ADGRV1: variants seen among roughly 807,000 people sequenced by gnomAD.
The protein encoded by ADGRV1 is adhesion G protein-coupled receptor V1.
A neutral mutation model predicts 596.2 loss-of-function variants in ADGRV1; 359 were observed. That is an observed-to-expected ratio of 0.60 (90% CI 0.55 to 0.66). The LOEUF is 0.66. ADGRV1 is among the 30% of genes least tolerant of loss of function. ADGRV1 has a pLI of 0.00. For missense variants in ADGRV1, 7,274 were observed against 7,575.6 expected (o/e 0.96, Z 1.48); for synonymous variants, 2,681 against 2,679.2 (o/e 1.00, Z -0.02).
chr5:90,835,969 G>T (rs1236705122), intron 77 of ADGRV1, among the ~76,000 whole-genome samples: 2 of 152,164 alleles, frequency 1.3e-5, no homozygotes, highest in African/African-American at 4.8e-5. Flanking sequence ...ATGTACAGAT[G>T]AAGAATAAGC....
intron 38 of ADGRV1, among the ~76,000 whole-genome samples, chr5:90,706,733 A>G (rs1748659348): frequency 1.4e-5 from 2 of 144,822 alleles, no homozygotes; most frequent in African/African-American, 5.3e-5. Flanking sequence ...CTATTAGTAA[A>G]AAAAAAAAAA....
At chr5:90,753,053 A>G (rs1269161202) in intron 53 of ADGRV1, among the ~76,000 whole-genome samples, 2 of 152,218 alleles carry the variant, frequency 1.3e-5, no homozygotes, top group East Asian at 3.8e-4. Flanking sequence ...GACTCTTTAG[A>G]CAGGAGAGAC....
chr5:91,078,923 C>T (rs763417607), intron 86 of ADGRV1, among the ~76,000 whole-genome samples: 15 of 152,202 alleles, frequency 9.9e-5, no homozygotes, highest in Non-Finnish European at 2.2e-4. Context: ...TCAATATCCT[C>T]ATTATTCTCA....
At chr5:90,998,481 A>AT (rs371041977) in intron 85 of ADGRV1, among the ~76,000 whole-genome samples, 23 of 152,262 alleles carry the variant, frequency 1.5e-4, no homozygotes, top group African/African-American at 5.1e-4. Context: ...TCAGTATGTA[A>AT]TACCCATTAC....
At chr5:90,712,249 A>G in intron 41 of ADGRV1, 38 bp from the exon 42 acceptor site, 1 of 1,257,898 alleles carries the variant, frequency 7.9e-7, no homozygotes, top group East Asian at 2.6e-5. Flanking sequence ...CACAGTGTAT[A>G]TAAATATAAT....
chr5:90,641,007 G>T (rs917929249), intron 11 of ADGRV1: 1 of 152,586 alleles, frequency 6.6e-6, no homozygotes, highest in African/African-American at 2.4e-5. Context: ...TGCATGCTTT[G>T]TGTGCAGTTT....
intron 65 of ADGRV1, 58 bp downstream of exon 65, chr5:90,781,636 G>A: frequency 6.6e-7 from 1 of 1,517,102 alleles, no homozygotes; most frequent in East Asian, 2.3e-5. Context: ...AATTACATTA[G>A]TTTGAATTTC....
At chr5:90,674,298 C>G in intron 23 of ADGRV1, 64 bp downstream of exon 23, 3 of 1,300,018 alleles carry the variant, frequency 2.3e-6, no homozygotes, top group Non-Finnish European at 3.1e-6. Flanking sequence ...TTGTTAAGAA[C>G]TTCTTAAGGC....
At chr5:90,746,006 A>T (rs1008172123) in intron 52 of ADGRV1, among the ~76,000 whole-genome samples, 8 of 152,112 alleles carry the variant, frequency 5.3e-5, no homozygotes, top group African/African-American at 1.4e-4. Flanking sequence ...CTCTGAGTCA[A>T]CTTGTCCTAA....
chr5:91,060,886 C>T (rs920176615), intron 85 of ADGRV1, among the ~76,000 whole-genome samples: 5 of 152,144 alleles, frequency 3.3e-5, no homozygotes, highest in Non-Finnish European at 7.3e-5. Context: ...AATAATTAAA[C>T]GTTTAATTAT....
intron 77 of ADGRV1, among the ~76,000 whole-genome samples, chr5:90,832,811 G>A (rs1312527293): frequency 6.6e-6 from 1 of 152,108 alleles, no homozygotes; most frequent in Non-Finnish European, 1.5e-5. Context: ...TCATTCCTCT[G>A]CATATGGATA....
At chr5:91,113,424 G>T (rs1400157007) in intron 87 of ADGRV1, among the ~76,000 whole-genome samples, 1 of 152,110 alleles carries the variant, frequency 6.6e-6, no homozygotes, top group Non-Finnish European at 1.5e-5. Context: ...CCTCTTAAGA[G>T]AATTTAATTT....
chr5:90,898,295 G>C (rs10942617), intron 83 of ADGRV1, among the ~76,000 whole-genome samples: 31,425 of 151,986 alleles, frequency 0.21, 5,311 homozygotes, highest in African/African-American at 0.46. Flanking sequence ...CATGAGTCTC[G>C]AATGACCTTA....
At chr5:90,708,781 T>A (rs534047369) in intron 38 of ADGRV1, 35 bp from the exon 39 acceptor site, 1 of 1,317,636 alleles carries the variant, frequency 7.6e-7, no homozygotes, top group East Asian at 2.3e-5. Context: ...TTTGAGAGTA[T>A]AACTAAAGGA....
At chr5:91,048,863 A>G (rs2151300421) in intron 85 of ADGRV1, among the ~76,000 whole-genome samples, 1 of 152,328 alleles carries the variant, frequency 6.6e-6, no homozygotes, top group East Asian at 1.9e-4. Flanking sequence ...CGCAAAAAAG[A>G]TACAGCTTTT....
intron 31 of ADGRV1, 94 bp from the exon 32 acceptor site, chr5:90,692,511 T>C: frequency 1.1e-6 from 1 of 900,004 alleles, no homozygotes; most frequent in East Asian, 2.7e-5. Flanking sequence ...GTTCTTGTAC[T>C]TGTATGTATA....
In ADGRV1 at chr5:90,769,697, T is replaced by C. The variant is rs1006927848; in HGVS notation, c.12286-4489T>C. 2.0e-5 allele frequency among the ~76,000 whole-genome samples: 3 copies of C among 152,200 alleles called. No individual in the cohort carries two copies. In the South Asian group the frequency reaches 6.2e-4, roughly 32 times the overall value. On this transcript the variant is annotated intron_variant, in intron 59 of 89. Coordinates refer to ENST00000405460, the MANE Select transcript of ADGRV1 (RefSeq NM_032119.4). Reference sequence around the variant, plus strand: ...AGATTTTTATTATTAAATAGTATTATTTTAATCTCTTCACTCAAGCTTTTG... The same window carrying C: ...AGATTTTTATTATTAAATAGTATTACTTTAATCTCTTCACTCAAGCTTTTG...
At position 90,728,787 on chromosome 5, in the gene ADGRV1, A is replaced by G; in HGVS notation, c.10280A>G (p.Asn3427Ser). ...GTGTTCTTAGCCATTTCCCAGGCTA[A>G]TGCCAGGCTAAACTCCCTTTTATTC... ...GSVFLAISQA[N>S]ARLNSLLFRW... The change falls in exon 49 of 90, where the codon AAT becomes AGT. Residue 3427 changes from asparagine to serine, a missense_variant. Transcript: ENST00000405460. 6.2e-7 allele frequency: 1 copy of G among 1,613,992 alleles called. No individual in the cohort carries two copies. Among genetic ancestry groups the G allele is most frequent in the Non-Finnish European group, 8.5e-7 (1 of 1,179,862 alleles).
At chr5:90,636,520 A>G (rs1470618052) in intron 10 of ADGRV1, among the ~76,000 whole-genome samples, 1 of 152,214 alleles carries the variant, frequency 6.6e-6, no homozygotes, top group Non-Finnish European at 1.5e-5. Context: ...TTTATCTTAG[A>G]TAGCTGTAAA....
Sources: gnomAD v4.1 joint callset for allele counts (sites outside exome capture counted in the v4.1 genomes callset) on GRCh38, gnomAD v4.1.1 for gene constraint, MANE v1.5 for transcripts, NCBI Gene and HGNC (gene_info 2026-07-23, HGNC 2026-07-21) for gene names.